TEX11: variants seen among roughly 807,000 people sequenced by gnomAD.
TEX11 encodes the protein testis expressed 11, also known as testis-expressed protein 11.
Under a neutral mutation model 84.4 loss-of-function variants are expected in TEX11, and 7 were observed. That is an observed-to-expected ratio of 0.08 (90% CI 0.05 to 0.16). The LOEUF (loss-of-function observed/expected upper bound fraction) is 0.16. TEX11 is among the 10% of genes least tolerant of loss of function. TEX11 has a pLI of 1.00. For missense variants in TEX11, 551 were observed against 660.5 expected, an observed-to-expected ratio of 0.83 and a Z score of 1.82; for synonymous variants, 264 against 222.8, an observed-to-expected ratio of 1.18 and a Z score of -1.64.
intron 13 of TEX11, among the ~76,000 whole-genome samples, chrX:70,694,015 A>T (rs185698910): frequency 9.0e-6 from 1 of 111,361 alleles, no homozygotes; most frequent in Non-Finnish European, 1.9e-5. Flanking sequence ...GTTAAAAAAA[A>T]CCCCAAATAT....
chrX:70,662,220 A>G (rs2089936047), intron 16 of TEX11, among the ~76,000 whole-genome samples: 1 of 112,153 alleles, frequency 8.9e-6, no homozygotes, highest in South Asian at 3.7e-4. Context: ...TGGAGAATGC[A>G]CAAGCCTCAG....
chrX:70,521,282 T>C, the TEX11 span, among the ~76,000 whole-genome samples: 2 of 110,598 alleles, frequency 1.8e-5, no homozygotes, highest in Non-Finnish European at 3.8e-5. Context: ...AATGGGCCTT[T>C]TTTTTTTTCT....
intron 28 of TEX11, among the ~76,000 whole-genome samples, chrX:70,543,274 G>A (rs1182860705): frequency 1.8e-5 from 2 of 112,282 alleles, no homozygotes; most frequent in Non-Finnish European, 3.8e-5. Flanking sequence ...ATCCAGTCAT[G>A]TTTCAGGGGA....
At chrX:70,629,333 T>A (rs1321416537) in intron 18 of TEX11, among the ~76,000 whole-genome samples, 1 of 112,319 alleles carries the variant, frequency 8.9e-6, no homozygotes, top group Non-Finnish European at 1.9e-5. Flanking sequence ...GTATGGCATT[T>A]TGAATTTGGA....
At chrX:70,565,612 T>C (rs1441023234) in intron 25 of TEX11, among the ~76,000 whole-genome samples, 1 of 111,073 alleles carries the variant, frequency 9.0e-6, no homozygotes, top group Non-Finnish European at 1.9e-5. Flanking sequence ...AGTTTCAGCT[T>C]TCTACATATG....
chrX:70,816,288 G>A (rs948409354), intron 8 of TEX11, among the ~76,000 whole-genome samples: 1 of 111,990 alleles, frequency 8.9e-6, no homozygotes, highest in Non-Finnish European at 1.9e-5. Context: ...CATTTTTTAT[G>A]TACTTTCTCT....
At chrX:70,538,830 T>G (rs1427313231) in intron 28 of TEX11, among the ~76,000 whole-genome samples, 1 of 107,419 alleles carries the variant, frequency 9.3e-6, no homozygotes, top group African/African-American at 3.4e-5. Flanking sequence ...AGTTCTAAAT[T>G]TTCTCAGTCA....
chrX:70,571,967 A>G (rs190707999), intron 25 of TEX11, among the ~76,000 whole-genome samples: 24 of 111,713 alleles, frequency 2.1e-4, no homozygotes, highest in African/African-American at 7.5e-4. Flanking sequence ...TGTCTAAAAC[A>G]GCAAAAGCAA....
At chrX:70,721,617 T>C (rs984905782) in intron 13 of TEX11, among the ~76,000 whole-genome samples, 1 of 111,757 alleles carries the variant, frequency 8.9e-6, no homozygotes, top group African/African-American at 3.3e-5. Flanking sequence ...TTGCTGTTTG[T>C]CAAATTATCT....
intron 9 of TEX11, among the ~76,000 whole-genome samples, chrX:70,776,702 A>G (rs942775326): frequency 1.3e-4 from 15 of 111,664 alleles, no homozygotes; most frequent in Non-Finnish European, 2.3e-4. Flanking sequence ...GGGAGCTAAA[A>G]ATGTGGATCT....
chrX:70,776,975 G>A (rs779714040), intron 9 of TEX11, among the ~76,000 whole-genome samples: 68 of 110,386 alleles, frequency 6.2e-4, no homozygotes, highest in African/African-American at 2.1e-3. Flanking sequence ...TTCTACATAC[G>A]TAACAAACAG....
chrX:70,860,751 G>C, intron 5 of TEX11, 106 bp downstream of exon 5: 1 of 502,880 alleles, frequency 2.0e-6, no homozygotes, highest in Admixed American at 3.6e-5. Flanking sequence ...AAAAAGGATA[G>C]CACTAAAAGA....
At position 70,651,515 on chromosome X, in the gene TEX11, G is replaced by A; in HGVS notation, c.1418C>T (p.Pro473Leu). 8.3e-7 allele frequency: 1 copy of A among 1,207,323 alleles called. No homozygotes were observed. Among genetic ancestry groups the A allele is most frequent in the Non-Finnish European group, 1.1e-6 (1 of 892,886 alleles). ...ATAAAATTGAGTGAAAACGTTCCTAGGGTCATGTCGTTCAGCTTCTGCCAC... is the reference window on the plus strand; with the variant it reads ...ATAAAATTGAGTGAAAACGTTCCTAAGGTCATGTCGTTCAGCTTCTGCCAC... ...EAVAEAERHDPRNVFTQFYIF... is the reference protein window; with the variant it reads ...EAVAEAERHDLRNVFTQFYIF... The change falls in exon 17 of 30, where the codon CCT (proline) becomes CTT (leucine). Residue 473 changes from proline to leucine, a missense_variant. Transcript: ENST00000374333.
intron 25 of TEX11, among the ~76,000 whole-genome samples, chrX:70,561,390 T>TA (rs1409234386): frequency 1.6e-5 from 1 of 63,933 alleles, no homozygotes; most frequent in African/African-American, 9.6e-5. Context: ...TCAATTTACT[T>TA]TTTTTTTTTT....
chrX:70,631,980 C>T (rs34690406), intron 17 of TEX11, among the ~76,000 whole-genome samples: 6,581 of 84,219 alleles, frequency 0.078, 786 homozygotes, highest in African/African-American at 0.26. Flanking sequence ...GTAACTCAAC[C>T]GTTTCTGTTT....
At chrX:70,813,753 T>G (rs1363214157) in intron 8 of TEX11, among the ~76,000 whole-genome samples, 2 of 111,965 alleles carry the variant, frequency 1.8e-5, no homozygotes, top group African/African-American at 6.5e-5. Context: ...CAGTAAAGTC[T>G]CAGGATACAA....
downstream of TEX11, among the ~76,000 whole-genome samples, chrX:70,525,501 C>A (rs1158033260): frequency 1.8e-5 from 2 of 109,097 alleles, no homozygotes; most frequent in African/African-American, 6.7e-5. Flanking sequence ...ATGGGAGGAT[C>A]ATTTGAGCCC....
At chrX:70,542,351 T>G (rs1280924686) in intron 28 of TEX11, among the ~76,000 whole-genome samples, 3 of 111,194 alleles carry the variant, frequency 2.7e-5, no homozygotes, top group African/African-American at 9.8e-5. Context: ...GGACTTTCTA[T>G]CCTCCCAAAC....
At chrX:70,823,069 A>G (rs2091326663) in intron 8 of TEX11, among the ~76,000 whole-genome samples, 1 of 111,112 alleles carries the variant, frequency 9.0e-6, no homozygotes, top group African/African-American at 3.3e-5. Context: ...CCACAGCCTT[A>G]AAAGAAAAGG....
Sources: allele counts gnomAD v4.1 joint callset (sites outside exome capture counted in the v4.1 genomes callset), GRCh38; gene constraint gnomAD v4.1.1; transcripts MANE v1.5; gene names NCBI Gene and HGNC (gene_info 2026-07-23, HGNC 2026-07-21).